Variants in ZBTB41 observed in about 807,000 individuals in gnomAD.
The protein encoded by ZBTB41 is zinc finger and BTB domain-containing protein 41.
A neutral mutation model predicts 87.6 loss-of-function variants in ZBTB41; 42 were observed. The observed-to-expected ratio is 0.48, with a 90% CI of 0.37 to 0.62. ZBTB41 has a LOEUF of 0.62. Among genes scored for constraint, ZBTB41 ranks in the 20% least tolerant of loss-of-function variants. The pLI is 0.00. For missense variants in ZBTB41, 799 were observed against 1,078.9 expected (o/e 0.74, Z 3.63); for synonymous variants, 364 against 364.0 (o/e 1.00, Z 0.00).
At chr1:197,191,456 CAAAAAAAAAA>C (rs537220441) in intron 3 of ZBTB41, among the ~76,000 whole-genome samples, 3 of 85,330 alleles carry the variant, frequency 3.5e-5, no homozygotes, top group Non-Finnish European at 7.2e-5. Context: ...AGCCCTACTT[CAAAAAAAAAA>C]AAAAAAAAAA....
chr1:197,175,214 A>G (rs1043119044), intron 8 of ZBTB41, 99 bp from the exon 9 acceptor site: 1 of 968,318 alleles, frequency 1.0e-6, no homozygotes, highest in Non-Finnish European at 1.5e-6. Context: ...GATGTCAAAT[A>G]TAACAGGAAA....
In ZBTB41 at chr1:197,191,818, T is replaced by A. The variant is rs781767165; in HGVS notation, c.1202A>T (p.Lys401Met). 1.2e-6 allele frequency: 2 copies of A among 1,613,840 alleles called. No homozygotes were observed. Among genetic ancestry groups the A allele is most frequent in the African/African-American group, 2.7e-5 (2 of 74,924 alleles). Residue 401 changes from lysine to methionine, a missense_variant, in exon 3 of 11, where the codon AAG becomes ATG. Transcript: ENST00000367405. ...CDICHQRYSTKSNLTVHRKKH... is the reference protein window; with the variant it reads ...CDICHQRYSTMSNLTVHRKKH... Reference sequence around the variant, plus strand: ...CTTTCTGTGAACAGTTAGGTTAGACTTTGTTGAATAGCGCTGGTGACAAAT... The same window carrying A: ...CTTTCTGTGAACAGTTAGGTTAGACATTGTTGAATAGCGCTGGTGACAAAT...
intron 5 of ZBTB41, among the ~76,000 whole-genome samples, chr1:197,184,700 A>T (rs1659837745): frequency 6.6e-6 from 1 of 152,188 alleles, no homozygotes; most frequent in Admixed American, 6.5e-5. Context: ...TGCCTTTAAG[A>T]TCATCTGTAA....
At chr1:197,173,935 A>G (rs1243382638) in intron 9 of ZBTB41, among the ~76,000 whole-genome samples, 9 of 152,158 alleles carry the variant, frequency 5.9e-5, no homozygotes, top group Admixed American at 1.3e-4. Context: ...GGTAGAAGCC[A>G]TGAATATTGA....
At chr1:197,165,269 A>G (rs1004441609) in intron 10 of ZBTB41, among the ~76,000 whole-genome samples, 1 of 151,874 alleles carries the variant, frequency 6.6e-6, no homozygotes, top group African/African-American at 2.4e-5. Flanking sequence ...TAGAACAGAC[A>G]TTAGAAAATA....
Position 197,159,546 on chromosome 1 carries a change from T to A in ZBTB41, c.2543A>T (p.Tyr848Phe). The A allele has an allele frequency of 2.5e-6, 4 of 1,613,988 alleles. No homozygotes were observed. Among genetic ancestry groups the A allele is most frequent in the Non-Finnish European group, 3.4e-6 (4 of 1,179,904 alleles). Residue 848 changes from tyrosine (Y) to phenylalanine (F), a missense_variant, in exon 11 of 11, where the codon TAT becomes TTT. Tyr to Phe is a conservative substitution (Grantham distance 22, BLOSUM62 3). Around this residue, in one of 5 missense-constraint regions of ZBTB41, gnomAD observed 171 missense variants for 191.9 expected, o/e 0.89. Transcript: ENST00000367405. ...AAAAGCTAAATCCGCTGCTCGTGGA[T>A]AATCAGTTGACTGTGGCTGTGGTGA... is the stretch of plus-strand genomic sequence containing the variant. ...ILSPQPQSTD[Y>F]PRAADLAFLE...
rs12031996 is a variant in ZBTB41, at chr1:197,155,550, T to G, written c.*3809A>C. On this transcript the variant is annotated 3_prime_UTR_variant, in exon 11 of 11. Transcript: ENST00000367405. ...TCATCACTGATATATGAGAGTGATA[T>G]GGTAGGAAGAAAACTCAAGCTTATA... 6.6e-6 allele frequency: 1 copy of G among 152,294 alleles called. No homozygotes were observed. The highest frequency in any genetic ancestry group is 6.6e-5 in the Admixed American group (1 of 15,248). The allele number at this position is 152,294 out of a possible 1,614,324, so 9.4% of individuals were successfully genotyped here.
rs1364040468 is a variant in ZBTB41 at position 197,197,328 on chromosome 1, GATAGAT to G, written c.1120+2020_1120+2025del. Among the ~76,000 whole-genome samples the G allele has an allele frequency of 2.6e-5, 4 of 152,012 alleles. No homozygotes were observed. In the South Asian group the frequency reaches 6.2e-4, roughly 24 times the overall value. ...ACTAGCGATATATGAATAAGATATA[GATAGAT>G]ATAGATATAGATACACTAAGGTAAT... On this transcript the variant is annotated intron_variant, in intron 2 of 10. Transcript: ENST00000367405.
intron 10 of ZBTB41, among the ~76,000 whole-genome samples, chr1:197,165,392 G>A (rs1418959159): frequency 1.3e-5 from 2 of 151,898 alleles, no homozygotes; most frequent in East Asian, 1.9e-4. Flanking sequence ...GGCGGATCAC[G>A]AGGTCAGGAG....
At chr1:197,166,064 A>G (rs1188389248) in intron 10 of ZBTB41, among the ~76,000 whole-genome samples, 1 of 152,150 alleles carries the variant, frequency 6.6e-6, no homozygotes, top group Admixed American at 6.5e-5. Flanking sequence ...CTGGGGAGGG[A>G]TAGCATAAGT....
In ZBTB41 at chr1:197,179,076, A is replaced by G. The variant is rs188418147; in HGVS notation, c.1677-564T>C. 1.6e-3 allele frequency among the ~76,000 whole-genome samples: 244 copies of G among 152,250 alleles called. 2 individuals are homozygous for G. The highest frequency in any genetic ancestry group is 5.6e-3 in the African/African-American group (233 of 41,550). On this transcript the variant is annotated intron_variant, in intron 6 of 10. Coordinates refer to ENST00000367405, the MANE Select transcript of ZBTB41 (RefSeq NM_194314.3). ...ATGAAACCATTACTCCTCAAAGTACATCACTAGCAATTCCTACAGTTCTAA... is the reference window on the plus strand; with the variant it reads ...ATGAAACCATTACTCCTCAAAGTACGTCACTAGCAATTCCTACAGTTCTAA...
chr1:197,191,268 T>C (rs747569554), intron 3 of ZBTB41, among the ~76,000 whole-genome samples: 4 of 151,858 alleles, frequency 2.6e-5, no homozygotes, highest in Non-Finnish European at 5.9e-5. Context: ...GAGACCAGCC[T>C]GGGCAATATA....
rs1391707861 is a variant in ZBTB41, at chr1:197,200,418, T to C, written c.56A>G (p.His19Arg). The C allele has an allele frequency of 3.1e-6, 5 of 1,612,502 alleles. No homozygotes were observed. The highest frequency in any genetic ancestry group is 4.2e-6 in the Non-Finnish European group (5 of 1,179,614). ...AACATTTCCTTCTGAAGAATCTTTATGATAGCCTAGATGGATCTTCTCAAG... is the reference window on the plus strand; with the variant it reads ...AACATTTCCTTCTGAAGAATCTTTACGATAGCCTAGATGGATCTTCTCAAG... ...SNLEKIHLGY[H>R]KDSSEGNVAV... The change falls in exon 2 of 11, where the codon CAT becomes CGT. Residue 19 changes from histidine (H) to arginine (R), a missense_variant. Physicochemically the swap from His to Arg is conservative, Grantham distance 29. Transcript: ENST00000367405.
intron 9 of ZBTB41, among the ~76,000 whole-genome samples, chr1:197,173,261 A>G (rs193189011): frequency 6.6e-6 from 1 of 152,264 alleles, no homozygotes; most frequent in African/African-American, 2.4e-5. Context: ...TGTTTAGAAC[A>G]TTGTTACCAA....
rs747454532 is a variant in ZBTB41 at position 197,159,832 on chromosome 1, C to G, written c.2257G>C (p.Asp753His). Residue 753 changes from aspartate to histidine, a missense_variant, in exon 11 of 11, where the codon GAT becomes CAT. Asp to His is a moderately conservative substitution (Grantham distance 81). Transcript: ENST00000367405. ...TCCTCAGAAGTACTGAGAGGATCAT[C>G]AGGAGATTTTATTTCATGAACATGG... ...IDHVHEIKSP[D>H]DPLSTSEEKL... is the part of the protein sequence containing the mutation. The G allele has an allele frequency of 1.2e-6, 2 of 1,613,842 alleles. No individual in the cohort carries two copies. The highest frequency in any genetic ancestry group is 2.2e-5 in the East Asian group (1 of 44,886).
intron 10 of ZBTB41, among the ~76,000 whole-genome samples, chr1:197,167,287 C>A (rs1659371138): frequency 6.6e-6 from 1 of 152,034 alleles, no homozygotes; most frequent in Non-Finnish European, 1.5e-5. Flanking sequence ...CCTCAATTTC[C>A]CCGGCTAGGT....
At chr1:197,200,693 T>TGGG (rs1652740471) in intron 1 of ZBTB41, among the ~76,000 whole-genome samples, 103 bp from the exon 2 acceptor site, 1 of 152,222 alleles carries the variant, frequency 6.6e-6, no homozygotes, top group African/African-American at 2.4e-5. Flanking sequence ...AACTGAATGA[T>TGGG]GATAAAATCA....
Position 197,159,145 on chromosome 1 carries a change from T to C in ZBTB41, c.*214A>G. On this transcript the variant is annotated 3_prime_UTR_variant, in exon 11 of 11. Transcript: ENST00000367405. Reference sequence around the variant, plus strand: ...GTTAGCACTAAATAATCTTTAAAAATCACAAAAATGTGCACTTCAAATATT... The same window carrying C: ...GTTAGCACTAAATAATCTTTAAAAACCACAAAAATGTGCACTTCAAATATT... 5.9e-6 allele frequency: 3 copies of C among 505,674 alleles called. No individual in the cohort carries two copies. Among genetic ancestry groups the C allele is most frequent in the Non-Finnish European group, 1.0e-5 (3 of 292,422 alleles). 31.3% of individuals were successfully genotyped at this position (505,674 alleles called of 1,614,324 possible).
rs67302873 is a variant in ZBTB41, at chr1:197,175,431, A to AAT, written c.1880-318_1880-317dup. ...ACTACTTCAAAACTTAGGAATTTTA[A>AAT]ATATATATATATATATATGTCTGTA... On this transcript the variant is annotated intron_variant, in intron 8 of 10. Coordinates refer to ENST00000367405, the MANE Select transcript of ZBTB41 (RefSeq NM_194314.3). Among the ~76,000 whole-genome samples, 670 of 71,578 alleles carry AAT rather than the reference A, an allele frequency of 9.4e-3. 35 individuals are homozygous for AAT. The highest frequency in any genetic ancestry group is 0.024 in the Middle Eastern group (2 of 84). 47.0% of individuals were successfully genotyped at this position (71,578 alleles called of 152,430 possible). A position where few individuals can be genotyped will look rare whatever the true frequency, so the allele number is the denominator to read the frequency against.
Sources: gnomAD v4.1 joint callset for allele counts (sites outside exome capture counted in the v4.1 genomes callset) on GRCh38, gnomAD v4.1.1 for gene constraint, gnomAD v4.1.1 regional missense constraint, MANE v1.5 for transcripts, NCBI Gene and HGNC (gene_info 2026-07-23, HGNC 2026-07-21) for gene names.